The following FER variants were observed in gnomAD, a reference collection of about 807,000 sequenced individuals.
FER encodes the protein FER tyrosine kinase, also known as tyrosine-protein kinase Fer.
In FER, 63 loss-of-function variants were observed where a neutral mutation model predicts 111.0. That is an observed-to-expected ratio of 0.57 (90% CI 0.46 to 0.70). The LOEUF (loss-of-function observed/expected upper bound fraction) is 0.70, where lower values mean the gene tolerates loss of function less well. Ranked by LOEUF, FER falls within the 30% of genes least tolerant of loss-of-function variation. FER has a pLI of 0.00. For missense variants in FER, 914 were observed against 954.0 expected, an observed-to-expected ratio of 0.96 and a Z score of 0.55; for synonymous variants, 327 against 313.9, an observed-to-expected ratio of 1.04 and a Z score of -0.44.
intron 3 of FER, among the ~76,000 whole-genome samples, chr5:108,805,102 C>T (rs1018341933): frequency 6.6e-6 from 1 of 151,978 alleles, no homozygotes; most frequent in African/African-American, 2.4e-5. Flanking sequence ...TGAATTGTAA[C>T]TCCCACAATT....
intron 13 of FER, among the ~76,000 whole-genome samples, chr5:109,015,947 C>T (rs1237614781): frequency 2.6e-5 from 4 of 151,888 alleles, no homozygotes; most frequent in African/African-American, 7.3e-5. Context: ...CCTTCTCTGG[C>T]TTTGGATGCT....
intron 13 of FER, among the ~76,000 whole-genome samples, chr5:109,001,804 A>T (rs1002473254): frequency 6.6e-6 from 1 of 152,096 alleles, no homozygotes; most frequent in African/African-American, 2.4e-5. Context: ...TAGAATATCA[A>T]TGTGCAAAAA....
intron 11 of FER, among the ~76,000 whole-genome samples, chr5:108,951,734 T>A (rs1390739699): frequency 6.6e-6 from 1 of 152,156 alleles, no homozygotes; most frequent in Non-Finnish European, 1.5e-5. Context: ...TTTGCTTTTT[T>A]CAAAATGGTT....
chr5:109,121,342 T>C (rs1195400294), intron 17 of FER, among the ~76,000 whole-genome samples: 2 of 152,172 alleles, frequency 1.3e-5, no homozygotes, highest in African/African-American at 2.4e-5. Flanking sequence ...TCAACATCAA[T>C]TGAAATGATA....
chr5:109,076,810 G>C (rs1776400009), intron 16 of FER, among the ~76,000 whole-genome samples: 1 of 152,154 alleles, frequency 6.6e-6, no homozygotes, highest in African/African-American at 2.4e-5. Context: ...AGTAACAACA[G>C]CAACAGTAAA....
At chr5:108,749,348 C>A (rs2149894344) in intron 1 of FER, among the ~76,000 whole-genome samples, 1 of 151,958 alleles carries the variant, frequency 6.6e-6, no homozygotes, top group East Asian at 2.0e-4. Context: ...CGCGAAAGGG[C>A]TGTGGCGGGC....
At chr5:108,931,453 A>C (rs1754663845) in intron 10 of FER, among the ~76,000 whole-genome samples, 1 of 152,170 alleles carries the variant, frequency 6.6e-6, no homozygotes, top group South Asian at 2.1e-4. Context: ...GTTTATATCC[A>C]AGGGCCTCTC....
chr5:109,055,903 T>G (rs565413213), intron 16 of FER, among the ~76,000 whole-genome samples: 1 of 150,784 alleles, frequency 6.6e-6, no homozygotes, highest in South Asian at 2.1e-4. Context: ...AGAACTGTTT[T>G]TAAAAATGGG....
At chr5:108,913,816 G>A (rs536048183) in intron 10 of FER, among the ~76,000 whole-genome samples, 2 of 152,278 alleles carry the variant, frequency 1.3e-5, no homozygotes, top group Middle Eastern at 3.4e-3. Context: ...ATACTCCGCA[G>A]TAATGAAAAT....
chr5:108,791,442 G>C (rs899974198), intron 2 of FER, among the ~76,000 whole-genome samples: 7 of 151,842 alleles, frequency 4.6e-5, no homozygotes, highest in East Asian at 3.9e-4. Context: ...TTAGAGAACT[G>C]TCCATTCAAA....
intron 2 of FER, among the ~76,000 whole-genome samples, chr5:108,776,591 T>C (rs963938787): frequency 6.6e-6 from 1 of 152,190 alleles, no homozygotes; most frequent in South Asian, 2.1e-4. Flanking sequence ...CCGATTATCC[T>C]TCCAAGGAAA....
At chr5:108,896,783 T>C (rs1749171081) in intron 9 of FER, among the ~76,000 whole-genome samples, 1 of 152,226 alleles carries the variant, frequency 6.6e-6, no homozygotes, top group Non-Finnish European at 1.5e-5. Context: ...TTTAAGAAGA[T>C]AGTATTTTCT....
chr5:108,998,790 C>T (rs1764342153), intron 13 of FER, among the ~76,000 whole-genome samples: 1 of 152,192 alleles, frequency 6.6e-6, no homozygotes, highest in African/African-American at 2.4e-5. Flanking sequence ...ACCAGCCTTG[C>T]ATCACAGGGT....
intron 17 of FER, among the ~76,000 whole-genome samples, chr5:109,157,666 A>G (rs1226445831): frequency 6.6e-6 from 1 of 152,038 alleles, no homozygotes; most frequent in African/African-American, 2.4e-5. Context: ...TTCCATTTTT[A>G]TGGAATTTTC....
Position 109,193,228 on chromosome 5 carries a change from G to C in FER, c.*5653G>C, listed in dbSNP as rs182725032. On this transcript the variant is annotated 3_prime_UTR_variant, in exon 20 of 20. Coordinates refer to ENST00000281092, the MANE Select transcript of FER (RefSeq NM_005246.4). ...AGAATTACCCTTGCTCTGTTTATCT[G>C]TGAGGCCTCAGACACAACGGTGGTT... 2.0e-5 allele frequency: 3 copies of C among 152,254 alleles called. No homozygotes were observed. Among genetic ancestry groups the C allele is most frequent in the Admixed American group, 2.0e-4 (3 of 15,284 alleles). The allele number at this position is 152,254 out of a possible 1,614,324, so 9.4% of individuals were successfully genotyped here.
intron 1 of FER, chr5:108,748,622 C>T (rs895294080): frequency 6.6e-6 from 1 of 152,344 alleles, no homozygotes; most frequent in African/African-American, 2.4e-5. Context: ...CCTCGGGACT[C>T]CACCCGGGCT....
intron 13 of FER, among the ~76,000 whole-genome samples, chr5:109,028,196 G>C (rs938811438): frequency 1.3e-5 from 2 of 152,268 alleles, no homozygotes; most frequent in African/African-American, 4.8e-5. Flanking sequence ...GATTACAACT[G>C]TAAAGCTTTT....
At chr5:108,849,104 C>G (rs1374254209) in intron 5 of FER, among the ~76,000 whole-genome samples, 1 of 152,014 alleles carries the variant, frequency 6.6e-6, no homozygotes, top group Admixed American at 6.5e-5. Flanking sequence ...GCAATTCTAT[C>G]ATGATTTACT....
intron 14 of FER, among the ~76,000 whole-genome samples, chr5:109,039,139 A>T (rs1211060772): frequency 6.6e-6 from 1 of 152,048 alleles, no homozygotes; most frequent in African/African-American, 2.4e-5. Context: ...TAATTAAGAC[A>T]ATTAGCCATG....
Sources: allele counts gnomAD v4.1 joint callset (sites outside exome capture counted in the v4.1 genomes callset), GRCh38; gene constraint gnomAD v4.1.1; transcripts MANE v1.5; gene names NCBI Gene and HGNC (gene_info 2026-07-23, HGNC 2026-07-21).